FARP2: variants seen among roughly 807,000 people sequenced by gnomAD.
The protein encoded by FARP2 is FERM, ARHGEF and pleckstrin domain-containing protein 2.
FARP2 carries 111 observed loss-of-function variants against 130.5 expected under a neutral mutation model. The ratio of observed to expected loss-of-function variants is 0.85; its 90% CI spans 0.73 to 1.00. The LOEUF (loss-of-function observed/expected upper bound fraction) is 1.00, where lower values mean the gene tolerates loss of function less well. FARP2 is among the 50% of genes least tolerant of loss of function. The pLI is 0.00. For missense variants in FARP2, 1,385 were observed against 1,346.3 expected (o/e 1.03, Z -0.45); for synonymous variants, 504 against 516.9 (o/e 0.98, Z 0.34).
chr2:241,457,026 A>G, intron 14 of FARP2, 104 bp downstream of exon 14: 2 of 1,079,064 alleles, frequency 1.9e-6, no homozygotes, highest in South Asian at 3.4e-5. Context: ...GGGGCAGGGA[A>G]GGGCTCTGCA....
intron 8 of FARP2, among the ~76,000 whole-genome samples, chr2:241,424,748 T>C (rs1002796779): frequency 3.9e-5 from 6 of 152,034 alleles, no homozygotes; most frequent in Non-Finnish European, 8.8e-5. Flanking sequence ...AAATGAACAA[T>C]CTGAAATGAT....
At chr2:241,481,615 G>A (rs540228293) in intron 19 of FARP2, among the ~76,000 whole-genome samples, 2 of 152,342 alleles carry the variant, frequency 1.3e-5, no homozygotes, top group East Asian at 3.9e-4. Flanking sequence ...GCTTTGAGCT[G>A]TTGCTGCTGG....
intron 17 of FARP2, chr2:241,466,138 T>G: frequency 9.4e-7 from 1 of 1,065,790 alleles, no homozygotes; most frequent in Non-Finnish European, 1.1e-6. Flanking sequence ...AAACCAAATC[T>G]GGGTGTCAGA....
intron 8 of FARP2, among the ~76,000 whole-genome samples, chr2:241,425,026 A>G (rs1224963376): frequency 6.6e-6 from 1 of 152,126 alleles, no homozygotes; most frequent in Non-Finnish European, 1.5e-5. Context: ...TGGGGCCAAC[A>G]TGGTAAAACC....
At chr2:241,360,823 T>G (rs977797999) in intron 1 of FARP2, among the ~76,000 whole-genome samples, 2 of 152,208 alleles carry the variant, frequency 1.3e-5, no homozygotes, top group Non-Finnish European at 2.9e-5. Flanking sequence ...GCTGTGTACT[T>G]TTTAATCACA....
At chr2:241,410,753 A>C (rs987857722) in intron 5 of FARP2, among the ~76,000 whole-genome samples, 3 of 152,134 alleles carry the variant, frequency 2.0e-5, no homozygotes, top group Non-Finnish European at 4.4e-5. Flanking sequence ...TATTGTTCAC[A>C]TCAGAGTGCC....
Position 241,491,191 on chromosome 2 carries a change from C to T in FARP2, c.2623+12C>T. On this transcript the variant is annotated intron_variant, in intron 23 of 26. Coordinates refer to ENST00000264042, the MANE Select transcript of FARP2 (RefSeq NM_014808.4). ...CACTCGTCCCCCCAGTGAGTGCTGGCCACAACCCCCCAGGAGACCTCCACT... is the reference window on the plus strand; with the variant it reads ...CACTCGTCCCCCCAGTGAGTGCTGGTCACAACCCCCCAGGAGACCTCCACT... 1 of 1,581,222 alleles carries T rather than the reference C, an allele frequency of 6.3e-7. No individual in the cohort carries two copies. Among genetic ancestry groups the T allele is most frequent in the South Asian group, 1.1e-5 (1 of 90,452 alleles).
Position 241,468,264 on chromosome 2 carries a change from C to G in FARP2, c.2018C>G (p.Pro673Arg). The change falls in exon 18 of 27, where the codon CCT (proline) becomes CGT (arginine). Residue 673 changes from proline (P) to arginine (R), a missense_variant. Pro to Arg is a moderately radical substitution (Grantham distance 103). Transcript: ENST00000264042. The stretch of plus-strand genomic sequence containing the variant: ...GAGCTGCAGAAGGTCTGCTACTTGC[C>G]TCTCAACACGTTCCTGCTGAAGCCC... Reference protein sequence around the residue: ...EFELQKVCYLPLNTFLLKPIQ... With the variant: ...EFELQKVCYLRLNTFLLKPIQ... 6.2e-7 allele frequency: 1 copy of G among 1,613,790 alleles called. No homozygotes were observed. The highest frequency in any genetic ancestry group is 8.5e-7 in the Non-Finnish European group (1 of 1,179,786).
chr2:241,450,511 C>T (rs368577255), intron 13 of FARP2, among the ~76,000 whole-genome samples: 4 of 151,398 alleles, frequency 2.6e-5, no homozygotes, highest in Admixed American at 6.6e-5. Flanking sequence ...ACTAAAAATA[C>T]GAAAATTAGC....
At chr2:241,491,267 C>A in intron 23 of FARP2, 88 bp downstream of exon 23, 1 of 996,890 alleles carries the variant, frequency 1.0e-6, no homozygotes, top group South Asian at 1.4e-5. Flanking sequence ...CCCCATTGGC[C>A]CGCTAAGTTC....
At chr2:241,460,819 C>G (rs2063993354) in intron 14 of FARP2, among the ~76,000 whole-genome samples, 2 of 152,188 alleles carry the variant, frequency 1.3e-5, no homozygotes, top group South Asian at 4.1e-4. Flanking sequence ...GCCAGGCAGG[C>G]TGCCAGCCAT....
At chr2:241,407,718 T>C (rs2062400284) in intron 5 of FARP2, 103 bp downstream of exon 5, 2 of 883,890 alleles carry the variant, frequency 2.3e-6, no homozygotes, top group Non-Finnish European at 3.6e-6. Flanking sequence ...AAGCCTGATA[T>C]ACACAGAAAA....
intron 12 of FARP2, among the ~76,000 whole-genome samples, chr2:241,438,099 A>G (rs2063290547): frequency 6.6e-6 from 1 of 152,168 alleles, no homozygotes; most frequent in African/African-American, 2.4e-5. Flanking sequence ...ATGAGCCACC[A>G]TGCCTAGTCA....
chr2:241,411,087 T>C lies in FARP2; in HGVS notation c.465T>C (p.Cys155=). The stretch of plus-strand genomic sequence containing the variant: ...ACCTGCTGGAAGAGCGTTTGACCTG[T>C]GCTGACACCACAGCGGCCCTTCTCA... ...KRDLLEERLT[C]ADTTAALLTS... The change falls in exon 6 of 27, where the codon TGT becomes TGC. Residue 155 remains cysteine (C), a synonymous_variant. Transcript: ENST00000264042. 1 of 1,612,700 alleles carries C rather than the reference T, an allele frequency of 6.2e-7. No individual in the cohort carries two copies. The highest frequency in any genetic ancestry group is 8.5e-7 in the Non-Finnish European group (1 of 1,179,310).
At chr2:241,441,775 T>C in intron 13 of FARP2, 1 of 650,016 alleles carries the variant, frequency 1.5e-6, no homozygotes, top group Non-Finnish European at 2.8e-6. Flanking sequence ...TGCTTTCACA[T>C]TGACAAATGC....
chr2:241,374,053 C>T (rs2061482890), intron 2 of FARP2, among the ~76,000 whole-genome samples: 1 of 151,344 alleles, frequency 6.6e-6, no homozygotes, highest in African/African-American at 2.4e-5. Flanking sequence ...TTCTGTCAAC[C>T]CAGGCTGGAG....
Position 241,366,100 on chromosome 2 carries a change from A to ATATATATAT in FARP2, c.-24-6984_-24-6983insTATATATAT, listed in dbSNP as rs1553705591. Among the ~76,000 whole-genome samples the ATATATATAT allele has an allele frequency of 2.8e-3, 26 of 9,230 alleles. No homozygotes were observed. The South Asian group carries it at 0.056, about 20-fold the overall frequency. 6.1% of individuals were successfully genotyped at this position (9,230 alleles called of 152,430 possible). On this transcript the variant is annotated intron_variant, in intron 1 of 26. Transcript: ENST00000264042. ...TGAGACCTCATCACTACTAAAAAAA[A>ATATATATAT]AAAAATATATATATATATATACGTA...
intron 21 of FARP2, among the ~76,000 whole-genome samples, chr2:241,484,675 T>C (rs2064708869): frequency 6.6e-6 from 1 of 152,218 alleles, no homozygotes; most frequent in Admixed American, 6.5e-5. Flanking sequence ...CCTCAGGCTG[T>C]GCCACCTGTG....
intron 2 of FARP2, among the ~76,000 whole-genome samples, chr2:241,386,456 G>A (rs932286132): frequency 7.9e-5 from 12 of 152,148 alleles, no homozygotes; most frequent in African/African-American, 2.9e-4. Context: ...CAAGGAGACA[G>A]GAGGCCGGCT....
Sources: allele counts gnomAD v4.1 joint callset (sites outside exome capture counted in the v4.1 genomes callset), GRCh38; gene constraint gnomAD v4.1.1; transcripts MANE v1.5; gene names NCBI Gene and HGNC (gene_info 2026-07-23, HGNC 2026-07-21).